The following DCC variants were observed in gnomAD, a reference collection of about 807,000 sequenced individuals.
DCC encodes DCC netrin 1 receptor, also known as netrin receptor DCC.
A neutral mutation model predicts 172.5 loss-of-function variants in DCC; 58 were observed. That is an observed-to-expected ratio of 0.34 (90% confidence interval 0.27 to 0.42). The LOEUF (loss-of-function observed/expected upper bound fraction) is 0.42, where lower values mean the gene tolerates loss of function less well. Among genes scored for constraint, DCC ranks in the 10% least tolerant of loss-of-function variants. The pLI, the probability that DCC is intolerant of heterozygous loss-of-function variation, is 1.00. For synonymous variants in DCC, 709 were observed against 644.5 expected (o/e 1.10, Z -1.52); for missense variants, 1,740 against 1,791.0 (o/e 0.97, Z 0.51).
In DCC at chr18:53,410,408, G is replaced by A. The variant is rs371604276; in HGVS notation, c.2936-44G>A. 65 of 1,211,874 alleles carry A rather than the reference G, an allele frequency of 5.4e-5. No homozygotes were observed. In the African/African-American group the frequency reaches 8.7e-4, roughly 16 times the overall value. The allele number at this position is 1,211,874 out of a possible 1,614,324, so 75.1% of individuals were successfully genotyped here. On this transcript the variant is annotated intron_variant, in intron 19 of 28. Transcript: ENST00000442544. ...CTGGGTGTTTGGAAGCAGAACTGCA[G>A]CGTGTAGGACACCAAATTAAGTCAC...
At chr18:53,003,421 T>C (rs1349796217) in intron 5 of DCC, among the ~76,000 whole-genome samples, 2 of 152,220 alleles carry the variant, frequency 1.3e-5, no homozygotes, top group African/African-American at 4.8e-5. Context: ...AGATTTTGGT[T>C]GGGACCACAC....
intron 1 of DCC, among the ~76,000 whole-genome samples, chr18:52,530,483 T>C (rs1423756350): frequency 6.6e-6 from 1 of 152,208 alleles, no homozygotes; most frequent in Admixed American, 6.5e-5. Context: ...TTTTCTGAGA[T>C]GCAAAATGAG....
chr18:53,012,261 A>G (rs2041741433), intron 5 of DCC, among the ~76,000 whole-genome samples: 1 of 152,048 alleles, frequency 6.6e-6, no homozygotes, highest in Non-Finnish European at 1.5e-5. Flanking sequence ...CTTTATTCAT[A>G]GTAGCAAAAA....
At position 53,205,202 on chromosome 18, in the gene DCC, A is replaced by G. The variant is rs2055605501; in HGVS notation, c.1574-14A>G. 1 of 1,607,766 alleles carries G rather than the reference A, an allele frequency of 6.2e-7. No individual in the cohort carries two copies. Among genetic ancestry groups the G allele is most frequent in the African/African-American group, 1.3e-5 (1 of 74,722 alleles). ...AATCACTTTTCTTTCTTTCTTTATT[A>G]TTTTTTTATACAGTGCAAGTTCCAG... On this transcript the variant is annotated splice_polypyrimidine_tract_variant and intron_variant, in intron 9 of 28. Coordinates refer to ENST00000442544, the MANE Select transcript of DCC (RefSeq NM_005215.4).
chr18:53,393,586 A>C (rs1032033823), intron 17 of DCC, among the ~76,000 whole-genome samples: 9 of 152,204 alleles, frequency 5.9e-5, no homozygotes, highest in Non-Finnish European at 1.3e-4. Context: ...TTAGAAGGCT[A>C]CTTTCTCCAC....
intron 5 of DCC, among the ~76,000 whole-genome samples, chr18:52,962,444 G>C (rs1200350082): frequency 3.3e-5 from 5 of 149,882 alleles, no homozygotes; most frequent in Non-Finnish European, 7.5e-5. Context: ...TCATTAAAAA[G>C]TCAGGAAACA....
At chr18:53,359,769 C>T (rs2057923780) in intron 15 of DCC, among the ~76,000 whole-genome samples, 2 of 152,098 alleles carry the variant, frequency 1.3e-5, no homozygotes, top group African/African-American at 4.8e-5. Flanking sequence ...TCCAGAATTC[C>T]TCAAGGAGAA....
Position 53,147,297 on chromosome 18 carries a change from C to T in DCC, c.1262-10059C>T, listed in dbSNP as rs193163021. On this transcript the variant is annotated intron_variant, in intron 7 of 28. Transcript: ENST00000442544. ...TCTCAGAAAGAGGACTAGAAGTAGT[C>T]GGGGCCTTTTTCTTTCTCTCTCTCT... Among the ~76,000 whole-genome samples the T allele has an allele frequency of 4.1e-4, 62 of 152,226 alleles. 2 individuals carry two copies. The highest frequency in any genetic ancestry group is 2.7e-3 in the Admixed American group (41 of 15,294).
intron 1 of DCC, among the ~76,000 whole-genome samples, chr18:52,647,195 G>A (rs544776288): frequency 6.6e-6 from 1 of 152,250 alleles, no homozygotes; most frequent in Admixed American, 6.5e-5. Flanking sequence ...CCACGGTAAG[G>A]CCAGACACTG....
At chr18:52,791,434 G>A (rs2037766669) in intron 2 of DCC, among the ~76,000 whole-genome samples, 1 of 151,964 alleles carries the variant, frequency 6.6e-6, no homozygotes, top group South Asian at 2.1e-4. Flanking sequence ...TGGAAAGGAA[G>A]ACAGTGGAGG....
chr18:52,406,395 A>G (rs1025245185), intron 1 of DCC, among the ~76,000 whole-genome samples: 2 of 151,780 alleles, frequency 1.3e-5, no homozygotes, highest in African/African-American at 4.8e-5. Flanking sequence ...AACCTACAAA[A>G]TGGGAGAAAA....
At chr18:53,077,970 G>A (rs975836914) in intron 7 of DCC, among the ~76,000 whole-genome samples, 6 of 152,142 alleles carry the variant, frequency 3.9e-5, no homozygotes, top group Admixed American at 6.5e-5. Context: ...TGTGTGAACC[G>A]TCTTGAGGTG....
At chr18:52,930,101 ATTTT>A (rs1318903047) in intron 5 of DCC, among the ~76,000 whole-genome samples, 1 of 150,474 alleles carries the variant, frequency 6.6e-6, no homozygotes, top group African/African-American at 2.4e-5. Context: ...TTGGCTATTT[ATTTT>A]TTCTTTCTTT....
intron 25 of DCC, among the ~76,000 whole-genome samples, chr18:53,474,607 C>T (rs1180445442): frequency 6.6e-6 from 1 of 152,146 alleles, no homozygotes; most frequent in East Asian, 1.9e-4. Context: ...TCTCTGCTGC[C>T]ATGTGAGACG....
In DCC at chr18:52,351,027, A is replaced by G. The variant is rs1426907228; in HGVS notation, c.91+10149A>G. ...ACAATTCCAAATGAGATAAGGCTTTAAAGAAAGAAAATACTGTAGGAAAGG... is the reference window on the plus strand; with the variant it reads ...ACAATTCCAAATGAGATAAGGCTTTGAAGAAAGAAAATACTGTAGGAAAGG... On this transcript the variant is annotated intron_variant, in intron 1 of 28. Transcript: ENST00000442544. Among the ~76,000 whole-genome samples, 3 of 152,234 alleles carry G rather than the reference A, an allele frequency of 2.0e-5. No homozygotes were observed. In the East Asian group the frequency reaches 5.8e-4, roughly 29 times the overall value.
chr18:52,486,736 C>T (rs1366312870), intron 1 of DCC, among the ~76,000 whole-genome samples: 1 of 152,046 alleles, frequency 6.6e-6, no homozygotes, highest in Admixed American at 6.6e-5. Context: ...TAAGAGAAAG[C>T]TTTATGGCAA....
At chr18:53,510,146 A>T (rs1036782024) in intron 27 of DCC, among the ~76,000 whole-genome samples, 5 of 152,190 alleles carry the variant, frequency 3.3e-5, no homozygotes, top group Non-Finnish European at 5.9e-5. Context: ...GAAAGGGGTC[A>T]TCCTAACCTG....
chr18:52,712,418 A>G (rs1173075431), intron 1 of DCC, among the ~76,000 whole-genome samples: 1 of 152,222 alleles, frequency 6.6e-6, no homozygotes, highest in African/African-American at 2.4e-5. Context: ...TGCTAGCACT[A>G]TAGTAAGCAA....
chr18:53,140,142 A>G (rs999000127), intron 7 of DCC, among the ~76,000 whole-genome samples: 4 of 152,248 alleles, frequency 2.6e-5, no homozygotes, highest in Non-Finnish European at 5.9e-5. Flanking sequence ...ATTCAGCTGA[A>G]TAAAACATTT....
Sources: allele counts gnomAD v4.1 joint callset (sites outside exome capture counted in the v4.1 genomes callset), GRCh38; gene constraint gnomAD v4.1.1; transcripts MANE v1.5; gene names NCBI Gene and HGNC (gene_info 2026-07-23, HGNC 2026-07-21).